The following ABHD2 variants were observed in gnomAD, a reference collection of about 807,000 sequenced individuals.
ABHD2 encodes abhydrolase domain containing 2, acylglycerol lipase.
ABHD2 carries 20 observed loss-of-function variants against 48.1 expected under a neutral mutation model. The observed-to-expected ratio is 0.42, with a 90% CI of 0.29 to 0.60. The LOEUF is 0.60. ABHD2 is among the 20% of genes least tolerant of loss of function. ABHD2 has a pLI of 0.24. For synonymous variants in ABHD2, 209 were observed against 214.2 expected (o/e 0.98, Z 0.21); for missense variants, 405 against 550.9 (o/e 0.74, Z 2.65).
At position 89,094,805 on chromosome 15, in the gene ABHD2, G is replaced by A. The variant is rs1360357718; in HGVS notation, c.-107+6242G>A. Among the ~76,000 whole-genome samples the A allele has an allele frequency of 6.6e-6, 1 of 151,966 alleles. No individual in the cohort carries two copies. Among genetic ancestry groups the A allele is most frequent in the Admixed American group, 6.6e-5 (1 of 15,254 alleles). ...AGCCTGGGTGCGGTGGCTCACACCT[G>A]TAATCCCAGTACTTTGAGAGGCCGA... is the stretch of plus-strand genomic sequence containing the variant. On this transcript the variant is annotated intron_variant, in intron 1 of 10. Transcript: ENST00000352732. This position sits in a 1 kb window ranked among gnomAD's most constrained non-coding sequence, Gnocchi z 4.7.
chr15:89,136,752 C>T (rs1438446841), intron 3 of ABHD2, among the ~76,000 whole-genome samples: 1 of 152,240 alleles, frequency 6.6e-6, no homozygotes, highest in Admixed American at 6.5e-5. Flanking sequence ...GAGTTTTCCT[C>T]CACTAGGAAT....
chr15:89,195,371 G>C lies in ABHD2; in HGVS notation c.1226G>C (p.Arg409Pro). ...EYANAICQWE[R>P]NKLQCSDTEQ... ...GCCAACGCCATTTGCCAATGGGAGC[G>C]TAACAAGTTGCAGTGCTCTGACACG... Residue 409 changes from arginine to proline, a missense_variant, in exon 11 of 11, where the codon CGT (arginine) becomes CCT (proline). Transcript: ENST00000352732. This position sits in a 1 kb window ranked among gnomAD's most constrained non-coding sequence, Gnocchi z 5.1. 2 of 1,614,184 alleles carry C rather than the reference G, an allele frequency of 1.2e-6. No homozygotes were observed. Among genetic ancestry groups the C allele is most frequent in the Non-Finnish European group, 1.7e-6 (2 of 1,180,038 alleles).
chr15:89,069,890 G>T, the ABHD2 span, among the ~76,000 whole-genome samples: 1 of 151,884 alleles, frequency 6.6e-6, no homozygotes, highest in East Asian at 1.9e-4. Flanking sequence ...ATGTTGGCCA[G>T]GTTAGTCTTG....
intron 3 of ABHD2, among the ~76,000 whole-genome samples, chr15:89,123,986 G>A (rs1486257060): frequency 1.3e-5 from 2 of 152,126 alleles, no homozygotes; most frequent in Non-Finnish European, 2.9e-5. Context: ...CTCTATTGCT[G>A]TTGTACATAC....
At chr15:89,081,819 C>G in the ABHD2 span, among the ~76,000 whole-genome samples, 1 of 152,014 alleles carries the variant, frequency 6.6e-6, no homozygotes, top group East Asian at 1.9e-4. Context: ...CCACTGTACT[C>G]CAGCCTGGGC....
chr15:89,065,986 G>C, the ABHD2 span, among the ~76,000 whole-genome samples: 4 of 152,108 alleles, frequency 2.6e-5, no homozygotes, highest in African/African-American at 9.7e-5. Flanking sequence ...AAGGAAACTC[G>C]GGTTCAATCA....
At position 89,110,985 on chromosome 15, in the gene ABHD2, G is replaced by A. The variant is rs901494099; in HGVS notation, c.-106-2740G>A. Among the ~76,000 whole-genome samples, 9 of 152,216 alleles carry A rather than the reference G, an allele frequency of 5.9e-5. No homozygotes were observed. In the South Asian group the frequency reaches 8.3e-4, roughly 14 times the overall value. On this transcript the variant is annotated intron_variant, in intron 1 of 10. Coordinates refer to ENST00000352732, the MANE Select transcript of ABHD2 (RefSeq NM_152924.5). ...CAGAGTTTCTCTTATGCCACTGGGC[G>A]TAAGAGCACAATATATGTTAGCTCT...
At position 89,151,288 on chromosome 15, in the gene ABHD2, C is replaced by T. The variant is rs572913307; in HGVS notation, c.195-389C>T. On this transcript the variant is annotated intron_variant, in intron 3 of 10. Transcript: ENST00000352732. The surrounding 1 kb of genome is among the most constrained non-coding windows in gnomAD (Gnocchi z 4.7). ...GAAGTGAGCTTTTAGTGAGTGTAGG[C>T]GCTATGCTATTTCATATACATCAGC... Among the ~76,000 whole-genome samples the T allele has an allele frequency of 6.6e-5, 10 of 152,250 alleles. No individual in the cohort carries two copies. Among genetic ancestry groups the T allele is most frequent in the African/African-American group, 1.7e-4 (7 of 41,558 alleles).
In ABHD2 at chr15:89,186,949, C is replaced by G. The variant is rs2051220393; in HGVS notation, c.816-1244C>G. On this transcript the variant is annotated intron_variant, in intron 7 of 10. Transcript: ENST00000352732. This position sits in a 1 kb window ranked among gnomAD's most constrained non-coding sequence, Gnocchi z 4.3. ...TGTGTCCTCGTGTCTGGAAGGAGAG[C>G]AGAGGGAGACTTATGTCCCCTGTGC... Among the ~76,000 whole-genome samples, 1 of 152,210 alleles carries G rather than the reference C, an allele frequency of 6.6e-6. No homozygotes were observed.
At chr15:89,118,611 A>G (rs1343616553) in intron 3 of ABHD2, among the ~76,000 whole-genome samples, 1 of 152,136 alleles carries the variant, frequency 6.6e-6, no homozygotes, top group Non-Finnish European at 1.5e-5. Flanking sequence ...CTTGAAAACC[A>G]AAGTATTTAA....
chr15:89,115,184 G>A (rs1158327835), intron 2 of ABHD2, among the ~76,000 whole-genome samples: 1 of 152,190 alleles, frequency 6.6e-6, no homozygotes, highest in Non-Finnish European at 1.5e-5. Flanking sequence ...TCCAGGGGAA[G>A]CTGTTGCCAT....
chr15:89,180,556 T>C (rs142314855), intron 6 of ABHD2, among the ~76,000 whole-genome samples: 2 of 152,202 alleles, frequency 1.3e-5, no homozygotes, highest in Non-Finnish European at 2.9e-5. Flanking sequence ...CTGGAGATGA[T>C]GACCTCTCTA....
intron 3 of ABHD2, among the ~76,000 whole-genome samples, chr15:89,117,111 C>A (rs998907168): frequency 5.9e-5 from 9 of 152,142 alleles, no homozygotes; most frequent in African/African-American, 2.2e-4. Flanking sequence ...CTGCAACCTC[C>A]ACCTCCCGGG....
Position 89,186,210 on chromosome 15 carries a change from G to A in ABHD2, c.815+694G>A, listed in dbSNP as rs2051206652. Reference sequence around the variant, plus strand: ...CTGACCAAGCAGCAGCGGGACAGGAGGCTCAGGGCATGGTTTCGGCGCCTC... The same window carrying A: ...CTGACCAAGCAGCAGCGGGACAGGAAGCTCAGGGCATGGTTTCGGCGCCTC... On this transcript the variant is annotated intron_variant, in intron 7 of 10. Coordinates refer to ENST00000352732, the MANE Select transcript of ABHD2 (RefSeq NM_152924.5). This position sits in a 1 kb window ranked among gnomAD's most constrained non-coding sequence, Gnocchi z 4.3. Among the ~76,000 whole-genome samples the A allele has an allele frequency of 6.6e-6, 1 of 152,132 alleles. No homozygotes were observed. Among genetic ancestry groups the A allele is most frequent in the Non-Finnish European group, 1.5e-5 (1 of 68,032 alleles).
At position 89,164,571 on chromosome 15, in the gene ABHD2, G is replaced by T. The variant is rs2050809421; in HGVS notation, c.538+9037G>T. The stretch of plus-strand genomic sequence containing the variant: ...GGACGCCCAGGCTGGCAGATCACTT[G>T]AGCCCAGGAGTTTGAGACCAGCCTG... On this transcript the variant is annotated intron_variant, in intron 5 of 10. Coordinates refer to ENST00000352732, the MANE Select transcript of ABHD2 (RefSeq NM_152924.5). The surrounding 1 kb of genome is among the most constrained non-coding windows in gnomAD (Gnocchi z 5.0). 6.6e-6 allele frequency among the ~76,000 whole-genome samples: 1 copy of T among 152,088 alleles called. No homozygotes were observed. Among genetic ancestry groups the T allele is most frequent in the Non-Finnish European group, 1.5e-5 (1 of 68,012 alleles).
chr15:89,162,387 G>A (rs1449660497), intron 5 of ABHD2, among the ~76,000 whole-genome samples: 4 of 152,140 alleles, frequency 2.6e-5, no homozygotes, highest in East Asian at 1.9e-4. Flanking sequence ...CTCCTTCCAC[G>A]CATTTTTAAT....
chr15:89,055,933 G>A, the ABHD2 span, among the ~76,000 whole-genome samples: 13 of 152,098 alleles, frequency 8.5e-5, no homozygotes, highest in East Asian at 1.6e-3. Flanking sequence ...GCGTGATCAC[G>A]GCTCACTGCA....
chr15:89,168,973 T>A lies in ABHD2; in HGVS notation c.539-6839T>A, dbSNP rs1239538110. Among the ~76,000 whole-genome samples the A allele has an allele frequency of 6.6e-6, 1 of 152,066 alleles. No individual in the cohort carries two copies. Among genetic ancestry groups the A allele is most frequent in the African/African-American group, 2.4e-5 (1 of 41,382 alleles). ...TGGGTTTGGTGGCATGTGCCTATAG[T>A]CCCAGCTACTCAAGAGGCTAAGGTG... On this transcript the variant is annotated intron_variant, in intron 5 of 10. Transcript: ENST00000352732. This position sits in a 1 kb window ranked among gnomAD's most constrained non-coding sequence, Gnocchi z 4.8.
At chr15:89,139,395 C>A (rs1273984857) in intron 3 of ABHD2, among the ~76,000 whole-genome samples, 1 of 152,010 alleles carries the variant, frequency 6.6e-6, no homozygotes, top group African/African-American at 2.4e-5. Flanking sequence ...TCTCTCTGAC[C>A]CCATTGCCCA....
Sources: gnomAD v4.1 joint callset for allele counts (sites outside exome capture counted in the v4.1 genomes callset) on GRCh38, gnomAD v4.1.1 for gene constraint, Gnocchi (gnomAD v3.1) non-coding constraint, MANE v1.5 for transcripts, NCBI Gene and HGNC (gene_info 2026-07-23, HGNC 2026-07-21) for gene names.